Variants in CCDC138 observed in about 807,000 individuals in gnomAD.
CCDC138 encodes the protein coiled-coil domain-containing protein 138.
Under a neutral mutation model 82.3 loss-of-function variants are expected in CCDC138, and 66 were observed. That is an observed-to-expected ratio of 0.80 (90% CI 0.66 to 0.98). The LOEUF (loss-of-function observed/expected upper bound fraction) is 0.98, where lower values mean the gene tolerates loss of function less well. CCDC138 is among the 50% of genes least tolerant of loss of function. The pLI, the probability that CCDC138 is intolerant of heterozygous loss-of-function variation, is 0.00. For missense variants in CCDC138, 816 were observed against 758.9 expected (o/e 1.08, Z -0.88); for synonymous variants, 297 against 265.4 (o/e 1.12, Z -1.16).
chr2:108,828,299 A>G (rs553788493), intron 10 of CCDC138, among the ~76,000 whole-genome samples: 47 of 152,336 alleles, frequency 3.1e-4, no homozygotes, highest in Middle Eastern at 3.4e-3. Flanking sequence ...CAAAATGAAG[A>G]CTATAGATTT....
At chr2:108,864,746 A>T (rs1169426516) in intron 13 of CCDC138, among the ~76,000 whole-genome samples, 2 of 148,136 alleles carry the variant, frequency 1.4e-5, no homozygotes, top group African/African-American at 2.5e-5. Flanking sequence ...GTGAGTTGAG[A>T]GTGTGCCTCT....
chr2:108,816,043 G>A lies in CCDC138; in HGVS notation c.1144G>A (p.Gly382Ser). Residue 382 changes from glycine to serine, a missense_variant, in exon 10 of 15, where the codon GGT becomes AGT. Coordinates refer to ENST00000295124, the MANE Select transcript of CCDC138 (RefSeq NM_144978.3). ...GAAACATGAAGAATCTGGAATGGATGGTAAAAAACCACAACTCAAATTTGC... is the reference window on the plus strand; with the variant it reads ...GAAACATGAAGAATCTGGAATGGATAGTAAAAAACCACAACTCAAATTTGC... The part of the protein sequence containing the change: ...KVKHEESGMD[G>S]KKPQLKFASQ... The A allele has an allele frequency of 6.2e-7, 1 of 1,613,498 alleles. No homozygotes were observed. Among genetic ancestry groups the A allele is most frequent in the African/African-American group, 1.3e-5 (1 of 74,946 alleles).
chr2:108,798,594 T>C lies in CCDC138; in HGVS notation c.735+8T>C. The C allele has an allele frequency of 6.4e-7, 1 of 1,571,636 alleles. No homozygotes were observed. Among genetic ancestry groups the C allele is most frequent in the Non-Finnish European group, 8.7e-7 (1 of 1,154,146 alleles). On this transcript the variant is annotated splice_region_variant and intron_variant, in intron 6 of 14. Coordinates refer to ENST00000295124, the MANE Select transcript of CCDC138 (RefSeq NM_144978.3). ...TTTCAAATTATAAAAGAGGTAACTA[T>C]ATAGCCTTTGATTTTAGAGTGGTAT...
intron 10 of CCDC138, among the ~76,000 whole-genome samples, chr2:108,823,894 T>G (rs1048937205): frequency 6.6e-6 from 1 of 152,068 alleles, no homozygotes; most frequent in Non-Finnish European, 1.5e-5. Flanking sequence ...AGAGAATTGC[T>G]TTAACACGGG....
At chr2:108,825,431 CA>C (rs975257846) in intron 10 of CCDC138, among the ~76,000 whole-genome samples, 4 of 149,954 alleles carry the variant, frequency 2.7e-5, no homozygotes, top group Admixed American at 6.6e-5. Context: ...CTCCTCTCTC[CA>C]AAAAAAAACC....
Position 108,876,233 on chromosome 2 carries a change from G to T in CCDC138, c.1978G>T (p.Val660Phe). Residue 660 changes from valine (V) to phenylalanine (F), a missense_variant, in exon 15 of 15, where the codon GTC becomes TTC. Coordinates refer to ENST00000295124, the MANE Select transcript of CCDC138 (RefSeq NM_144978.3). ...GGGTTTAACAAAATGTAACTCCCTG[G>T]TCTCCAGTGCAAGCCCTTAGACTGG... The part of the protein sequence containing the change: ...NLGLTKCNSL[V>F]SSASP 1.2e-6 allele frequency: 2 copies of T among 1,611,450 alleles called. No individual in the cohort carries two copies. The highest frequency in any genetic ancestry group is 1.7e-6 in the Non-Finnish European group (2 of 1,178,308).
At chr2:108,803,062 G>C (rs1682212297) in intron 6 of CCDC138, among the ~76,000 whole-genome samples, 1 of 152,222 alleles carries the variant, frequency 6.6e-6, no homozygotes, top group Non-Finnish European at 1.5e-5. Context: ...TGAGACTTGG[G>C]TAACAGTTTA....
At chr2:108,873,380 G>T in intron 13 of CCDC138, 71 bp from the exon 14 acceptor site, 2 of 1,335,596 alleles carry the variant, frequency 1.5e-6, no homozygotes, top group South Asian at 2.1e-5. Context: ...ACATAGTTCT[G>T]ATTTTAATTT....
At chr2:108,808,113 G>A (rs775729722) in intron 7 of CCDC138, among the ~76,000 whole-genome samples, 1 of 152,070 alleles carries the variant, frequency 6.6e-6, no homozygotes, top group Admixed American at 6.6e-5. Flanking sequence ...TGTGTGGTAA[G>A]GTCTTTCAGG....
At chr2:108,837,403 A>G (rs1688749247) in intron 10 of CCDC138, among the ~76,000 whole-genome samples, 1 of 152,226 alleles carries the variant, frequency 6.6e-6, no homozygotes, top group Non-Finnish European at 1.5e-5. Flanking sequence ...ATGGCGTATA[A>G]TCCCTTTTAA....
chr2:108,880,142 A>G (rs1696248174), downstream of CCDC138, among the ~76,000 whole-genome samples: 1 of 151,770 alleles, frequency 6.6e-6, no homozygotes, highest in Admixed American at 6.6e-5. Context: ...ACCAAAAGCT[A>G]TTTCTTTGAA....
At chr2:108,787,707 GGTT>G (rs918786730) in intron 1 of CCDC138, among the ~76,000 whole-genome samples, 1 of 151,978 alleles carries the variant, frequency 6.6e-6, no homozygotes, top group African/African-American at 2.4e-5. Flanking sequence ...TTTTCTGTAA[GGTT>G]GTTTTTTTTT....
intron 13 of CCDC138, among the ~76,000 whole-genome samples, chr2:108,869,139 T>C (rs1165241066): frequency 2.0e-5 from 3 of 152,096 alleles, no homozygotes; most frequent in Admixed American, 6.5e-5. Flanking sequence ...AGGTGCTTGT[T>C]TCCCCACAGA....
chr2:108,843,556 T>C (rs1689880770), intron 11 of CCDC138, among the ~76,000 whole-genome samples: 1 of 152,224 alleles, frequency 6.6e-6, no homozygotes, highest in South Asian at 2.1e-4. Context: ...TATCAGATTC[T>C]AGTGTGACAG....
intron 4 of CCDC138, among the ~76,000 whole-genome samples, chr2:108,793,324 C>T (rs1024576944): frequency 6.6e-5 from 10 of 152,048 alleles, no homozygotes; most frequent in African/African-American, 2.4e-4. Flanking sequence ...CAGAGTGAGA[C>T]TCCGTCTCAA....
chr2:108,839,540 T>C (rs960359133), intron 11 of CCDC138, among the ~76,000 whole-genome samples: 2 of 152,152 alleles, frequency 1.3e-5, no homozygotes, highest in Non-Finnish European at 2.9e-5. Context: ...TGTCCACTTA[T>C]TTAGAACTTT....
At chr2:108,810,234 A>C (rs1226578363) in intron 7 of CCDC138, among the ~76,000 whole-genome samples, 1 of 152,222 alleles carries the variant, frequency 6.6e-6, no homozygotes, top group Admixed American at 6.5e-5. Flanking sequence ...TCTTAGAGGA[A>C]AAATTTTCAG....
At chr2:108,853,964 TAAA>T (rs1343736712) in intron 12 of CCDC138, among the ~76,000 whole-genome samples, 1 of 112,940 alleles carries the variant, frequency 8.9e-6, no homozygotes, top group African/African-American at 3.5e-5. Context: ...ATATATATAA[TAAA>T]ATATATATAA....
chr2:108,812,035 TA>T (rs1332981526), intron 7 of CCDC138, among the ~76,000 whole-genome samples: 2 of 151,908 alleles, frequency 1.3e-5, no homozygotes, highest in Non-Finnish European at 2.9e-5. Flanking sequence ...AGTAATATAA[TA>T]AAAAAATAAT....
Sources: gnomAD v4.1 joint callset for allele counts (sites outside exome capture counted in the v4.1 genomes callset) on GRCh38, gnomAD v4.1.1 for gene constraint, MANE v1.5 for transcripts, NCBI Gene and HGNC (gene_info 2026-07-23, HGNC 2026-07-21) for gene names.